The following PRUNE2 variants were observed in gnomAD, a reference collection of about 807,000 sequenced individuals.
PRUNE2 encodes the protein prune homolog 2 with BCH domain.
Under a neutral mutation model 252.0 loss-of-function variants are expected in PRUNE2, and 164 were observed. That is an observed-to-expected ratio of 0.65 (90% confidence interval 0.57 to 0.74). The LOEUF (loss-of-function observed/expected upper bound fraction) is 0.74, where lower values mean the gene tolerates loss of function less well. Among genes scored for constraint, PRUNE2 ranks in the 30% least tolerant of loss-of-function variants. PRUNE2 has a pLI of 0.00. For synonymous variants in PRUNE2, 1,292 were observed against 1,350.2 expected, an observed-to-expected ratio of 0.96 and a Z score of 0.94; for missense variants, 3,495 against 3,711.0, an observed-to-expected ratio of 0.94 and a Z score of 1.51.
chr9:76,714,306 G>A (rs1255402926), intron 6 of PRUNE2, among the ~76,000 whole-genome samples: 1 of 152,168 alleles, frequency 6.6e-6, no homozygotes, highest in Non-Finnish European at 1.5e-5. Flanking sequence ...TGCAGAAAGG[G>A]ATCCCAATAC....
In PRUNE2 at chr9:76,894,465, T is replaced by C. The variant is rs570817397; in HGVS notation, c.36+11463A>G. On this transcript the variant is annotated intron_variant, in intron 1 of 18. Coordinates refer to ENST00000376718, the MANE Select transcript of PRUNE2 (RefSeq NM_015225.3). The stretch of plus-strand genomic sequence containing the variant: ...TCAGGGAGCAGCCAGGCACGTGTCC[T>C]GTCCTCTCAGACATACCCGTGGCAG... Among the ~76,000 whole-genome samples the C allele has an allele frequency of 4.9e-4, 75 of 152,310 alleles. 1 individual carries two copies. Among genetic ancestry groups the C allele is most frequent in the Middle Eastern group, 6.8e-3 (2 of 294 alleles).
chr9:76,872,772 C>T (rs28475126), intron 1 of PRUNE2, among the ~76,000 whole-genome samples: 9,835 of 152,040 alleles, frequency 0.065, 968 homozygotes, highest in African/African-American at 0.21. Flanking sequence ...TGTTAAGGAA[C>T]GGATGAAACA....
intron 1 of PRUNE2, among the ~76,000 whole-genome samples, chr9:76,871,355 G>A (rs2061185489): frequency 1.1e-4 from 17 of 152,216 alleles, no homozygotes; most frequent in Admixed American, 1.1e-3. Flanking sequence ...GTATACAGGA[G>A]GAAGCATGTC....
chr9:76,727,710 C>CTTT (rs373565657), intron 6 of PRUNE2, among the ~76,000 whole-genome samples: 895 of 42,898 alleles, frequency 0.021, 95 homozygotes, highest in African/African-American at 0.029. Context: ...GTAAACAGGG[C>CTTT]TTTTTTTTTT....
At chr9:76,711,782 G>A (rs568515117) in intron 7 of PRUNE2, among the ~76,000 whole-genome samples, 1 of 152,374 alleles carries the variant, frequency 6.6e-6, no homozygotes, top group South Asian at 2.1e-4. Context: ...GGAGGGGGCA[G>A]CCAGGGCTGC....
At position 76,703,637 on chromosome 9, in the gene PRUNE2, G is replaced by T; in HGVS notation, c.7976C>A (p.Thr2659Asn). The change falls in exon 9 of 19, where the codon ACT (threonine) becomes AAT (asparagine). Residue 2659 changes from threonine (T) to asparagine (N), a missense_variant. By Grantham distance (65) the Thr-to-Asn change is moderately conservative. Coordinates refer to ENST00000376718, the MANE Select transcript of PRUNE2 (RefSeq NM_015225.3). ...GCCGAGTTCAGAGAACGGCTCCACA[G>T]TCTTGCCAGACCACCCAGGCCCTGA... ...RDSGPGWSGK[T>N]VEPFSELGLG... 6.2e-7 allele frequency: 1 copy of T among 1,612,338 alleles called. No individual in the cohort carries two copies. The highest frequency in any genetic ancestry group is 8.5e-7 in the Non-Finnish European group (1 of 1,179,882).
Position 76,710,846 on chromosome 9 carries a change from C to T in PRUNE2, c.1428G>A (p.Ala476=), listed in dbSNP as rs142653332. 1,039 of 1,543,974 alleles carry T rather than the reference C, an allele frequency of 6.7e-4. 23 individuals carry two copies. In the East Asian group the frequency reaches 0.022, roughly 32 times the overall value. ...LDSYSPIPEG[A]VAEEHAWSGE... ...CAGACCATGCATGTTCCTCCGCCAC[C>T]GCCCCTTCAGGGATGGGGCTGTAGG... Residue 476 remains alanine, a synonymous_variant, in exon 8 of 19, where the codon GCG becomes GCA. Transcript: ENST00000376718.
At position 76,705,226 on chromosome 9, in the gene PRUNE2, C is replaced by A; in HGVS notation, c.7048G>T (p.Gly2350Cys). 3.1e-6 allele frequency: 5 copies of A among 1,613,984 alleles called. No individual in the cohort carries two copies. Among genetic ancestry groups the A allele is most frequent in the African/African-American group, 1.3e-5 (1 of 75,028 alleles). The stretch of plus-strand genomic sequence containing the variant: ...CCCATTACATCATATTCAAAATCAC[C>A]CCACGAGGCTTCAGATGAGCAGATA... Reference protein sequence around the residue: ...QDICSSEASWGDFEYDVMGQN... With the variant: ...QDICSSEASWCDFEYDVMGQN... Residue 2350 changes from glycine to cysteine, a missense_variant, in exon 8 of 19, where the codon GGT becomes TGT. Gly to Cys is a radical substitution (Grantham distance 159). Transcript: ENST00000376718.
chr9:76,864,871 T>G (rs567041245), intron 1 of PRUNE2, among the ~76,000 whole-genome samples: 2 of 152,220 alleles, frequency 1.3e-5, no homozygotes, highest in Admixed American at 6.5e-5. Context: ...TATGACTGAT[T>G]GTCATGAGCA....
intron 18 of PRUNE2, among the ~76,000 whole-genome samples, chr9:76,618,558 C>T (rs888779815): frequency 3.3e-5 from 5 of 152,196 alleles, no homozygotes; most frequent in African/African-American, 1.2e-4. Context: ...TCGCTCTGTT[C>T]TCTTAGGTGA....
rs370337707 is a variant in PRUNE2 at position 76,780,751 on chromosome 9, T to C, written c.756+42881A>G. On this transcript the variant is annotated intron_variant, in intron 6 of 18. Coordinates refer to ENST00000376718, the MANE Select transcript of PRUNE2 (RefSeq NM_015225.3). ...CAGCAAGAGGGTTTTGTTTTTGTTT[T>C]TGTTTTTGTTTTCAGATGTGGTAGG... Among the ~76,000 whole-genome samples, 5 of 152,200 alleles carry C rather than the reference T, an allele frequency of 3.3e-5. No individual in the cohort carries two copies. The East Asian group carries it at 5.8e-4, about 18-fold the overall frequency.
At chr9:76,800,707 C>G (rs895173747) in intron 6 of PRUNE2, among the ~76,000 whole-genome samples, 2 of 152,136 alleles carry the variant, frequency 1.3e-5, no homozygotes, top group Non-Finnish European at 2.9e-5. Context: ...GAATTCACCT[C>G]TACAGCGAGC....
At chr9:76,792,282 A>C (rs1421397701) in intron 6 of PRUNE2, among the ~76,000 whole-genome samples, 1 of 152,126 alleles carries the variant, frequency 6.6e-6, no homozygotes, top group Non-Finnish European at 1.5e-5. Flanking sequence ...GCCTGTCACC[A>C]TGTAAGATGT....
At chr9:76,731,275 C>CCTCTCTCT (rs769194090) in intron 6 of PRUNE2, among the ~76,000 whole-genome samples, 1,602 of 131,192 alleles carry the variant, frequency 0.012, 14 homozygotes, top group East Asian at 0.037. Flanking sequence ...ACATATATTC[C>CCTCTCTCT]CTCTCTCTAT....
intron 9 of PRUNE2, among the ~76,000 whole-genome samples, chr9:76,668,781 G>A (rs1214821216): frequency 6.6e-6 from 1 of 151,660 alleles, no homozygotes; most frequent in East Asian, 1.9e-4. Flanking sequence ...GCCTCTGGCT[G>A]GGGACTTCTC....
At chr9:76,645,081 C>G (rs1005374931) in intron 11 of PRUNE2, 172 bp from the exon 12 acceptor site, 8 of 609,312 alleles carry the variant, frequency 1.3e-5, no homozygotes, top group Non-Finnish European at 1.7e-5. Flanking sequence ...CTTTACAGAG[C>G]TTAGCACTAT....
At chr9:76,859,869 AT>A (rs2060457388) in intron 1 of PRUNE2, among the ~76,000 whole-genome samples, 1 of 151,874 alleles carries the variant, frequency 6.6e-6, no homozygotes. Flanking sequence ...TGCCCAGCTA[AT>A]TTTTCTTTTT....
chr9:76,625,892 G>A (rs893250277), intron 16 of PRUNE2, among the ~76,000 whole-genome samples: 2 of 152,076 alleles, frequency 1.3e-5, no homozygotes, highest in African/African-American at 4.8e-5. Context: ...GCATAGGGCT[G>A]AAATACTGTA....
Position 76,705,333 on chromosome 9 carries a change from C to G in PRUNE2, c.6941G>C (p.Gly2314Ala). ...SDASGLNTST[G>A]TIDDMSKLTL... ...CAGTTTACTCATGTCATCTATTGTTCCCGTGGATGTGTTGAGACCTGAGGC... is the reference window on the plus strand; with the variant it reads ...CAGTTTACTCATGTCATCTATTGTTGCCGTGGATGTGTTGAGACCTGAGGC... Residue 2314 changes from glycine to alanine, a missense_variant, in exon 8 of 19, where the codon GGA becomes GCA. Physicochemically the swap from Gly to Ala is moderately conservative, Grantham distance 60. Coordinates refer to ENST00000376718, the MANE Select transcript of PRUNE2 (RefSeq NM_015225.3). 1 of 1,613,974 alleles carries G rather than the reference C, an allele frequency of 6.2e-7. No individual in the cohort carries two copies. Among genetic ancestry groups the G allele is most frequent in the Non-Finnish European group, 8.5e-7 (1 of 1,179,884 alleles).
Sources: gnomAD v4.1 joint callset for allele counts (sites outside exome capture counted in the v4.1 genomes callset) on GRCh38, gnomAD v4.1.1 for gene constraint, MANE v1.5 for transcripts, NCBI Gene and HGNC (gene_info 2026-07-23, HGNC 2026-07-21) for gene names.